PCDHGA8: variants seen among roughly 807,000 people sequenced by gnomAD.
PCDHGA8 encodes protocadherin gamma subfamily A, 8.
PCDHGA8 carries 45 observed loss-of-function variants against 59.2 expected under a neutral mutation model. That is an observed-to-expected ratio of 0.76 (90% CI 0.60 to 0.98). The LOEUF is 0.98. Ranked by LOEUF, PCDHGA8 falls within the 50% of genes least tolerant of loss-of-function variation. The pLI, the probability that PCDHGA8 is intolerant of heterozygous loss-of-function variation, is 0.00. For synonymous variants in PCDHGA8, 531 were observed against 519.0 expected, an observed-to-expected ratio of 1.02 and a Z score of -0.32; for missense variants, 1,257 against 1,196.2, an observed-to-expected ratio of 1.05 and a Z score of -0.75.
rs376890554 is a variant in PCDHGA8 at position 141,408,250 on chromosome 5, G to A, written c.2424+13013G>A. 3.6e-4 allele frequency: 569 copies of A among 1,595,986 alleles called. 5 individuals are homozygous for A. The highest frequency in any genetic ancestry group is 1.7e-3 in the South Asian group (151 of 89,354). On this transcript the variant is annotated intron_variant, in intron 1 of 3. Coordinates refer to ENST00000398604, the MANE Select transcript of PCDHGA8 (RefSeq NM_032088.2). ...GGCGCCGGGCCGGCCCGCGGCAGGT[G>A]CTATTTCCTTTGCTGCTGCCTTTGT... is the stretch of plus-strand genomic sequence containing the variant.
Position 141,487,544 on chromosome 5 carries a change from C to A in PCDHGA8, c.2425-7263C>A. 1 of 1,614,190 alleles carries A rather than the reference C, an allele frequency of 6.2e-7. No homozygotes were observed. The highest frequency in any genetic ancestry group is 1.1e-5 in the South Asian group (1 of 91,088). On this transcript the variant is annotated intron_variant, in intron 1 of 3. Transcript: ENST00000398604. This position sits in a 1 kb window ranked among gnomAD's most constrained non-coding sequence, Gnocchi z 5.0. ...TGATAGCTTCATGATGGTGAAGTCA[C>A]CCAGTGCACCTATGGCAGGGGAGCC... is the stretch of plus-strand genomic sequence containing the variant.
chr5:141,394,742 G>T lies in PCDHGA8; in HGVS notation c.1929G>T (p.Val643=). The T allele has an allele frequency of 1.2e-6, 2 of 1,613,420 alleles. No homozygotes were observed. The highest frequency in any genetic ancestry group is 1.7e-6 in the Non-Finnish European group (2 of 1,179,986). The change falls in exon 1 of 4, where the codon GTG becomes GTT. Residue 643 remains valine, a synonymous_variant. Coordinates refer to ENST00000398604, the MANE Select transcript of PCDHGA8 (RefSeq NM_032088.2). ...GAGATGCGCTCAAGCAGAGCCTCGT[G>T]GTGGCCGTCCAGGACCATGGCCAGC... The part of the protein sequence containing the change: ...LDRDALKQSL[V]VAVQDHGQPP...
intron 1 of PCDHGA8, among the ~76,000 whole-genome samples, chr5:141,443,016 G>T (rs1325670377): frequency 6.6e-6 from 1 of 152,204 alleles, no homozygotes; most frequent in East Asian, 1.9e-4. Context: ...TATGACTAAT[G>T]GAAGTTGCCA....
chr5:141,507,525 A>T (rs1053801558), intron 3 of PCDHGA8, among the ~76,000 whole-genome samples: 1 of 152,000 alleles, frequency 6.6e-6, no homozygotes, highest in Non-Finnish European at 1.5e-5. Context: ...ATGATTCCAG[A>T]GAGGCCAGAG....
Position 141,431,628 on chromosome 5 carries a change from A to T in PCDHGA8, c.2424+36391A>T, listed in dbSNP as rs1204083567. The T allele has an allele frequency of 6.2e-7, 1 of 1,614,138 alleles. No individual in the cohort carries two copies. Among genetic ancestry groups the T allele is most frequent in the Non-Finnish European group, 8.5e-7 (1 of 1,180,058 alleles). ...CGGTATGTGGACGACAAGGCGGCCC[A>T]AGTTTTCAAACTAGATTGTAATTCA... On this transcript the variant is annotated intron_variant, in intron 1 of 3. Coordinates refer to ENST00000398604, the MANE Select transcript of PCDHGA8 (RefSeq NM_032088.2). The surrounding 1 kb of genome is among the most constrained non-coding windows in gnomAD (Gnocchi z 4.8).
At chr5:141,488,738 ATGCAGGAAGT>A (rs771423337) in intron 1 of PCDHGA8, among the ~76,000 whole-genome samples, 1 of 152,222 alleles carries the variant, frequency 6.6e-6, no homozygotes, top group Non-Finnish European at 1.5e-5. Flanking sequence ...TTCTGAAGTC[ATGCAGGAAGT>A]TGCTGGGACA....
At position 141,432,554 on chromosome 5, in the gene PCDHGA8, G is replaced by A. The variant is rs757821109; in HGVS notation, c.2424+37317G>A. The A allele has an allele frequency of 9.3e-6, 15 of 1,613,832 alleles. No homozygotes were observed. Among genetic ancestry groups the A allele is most frequent in the Non-Finnish European group, 1.3e-5 (15 of 1,180,006 alleles). On this transcript the variant is annotated intron_variant, in intron 1 of 3. Coordinates refer to ENST00000398604, the MANE Select transcript of PCDHGA8 (RefSeq NM_032088.2). The surrounding 1 kb of genome is among the most constrained non-coding windows in gnomAD (Gnocchi z 6.0). ...GGTGGTGGCGGTGGACAGAGACTCCGGCCAGAACGCCTGGCTGTCCTACCG... is the reference window on the plus strand; with the variant it reads ...GGTGGTGGCGGTGGACAGAGACTCCAGCCAGAACGCCTGGCTGTCCTACCG...
intron 1 of PCDHGA8, chr5:141,478,531 C>A (rs771145308): frequency 8.1e-6 from 13 of 1,608,072 alleles, no homozygotes; most frequent in Admixed American, 5.1e-5. Context: ...GTGCAGAGAG[C>A]GCCCCTCCCG....
Position 141,485,208 on chromosome 5 carries a change from G to T in PCDHGA8, c.2425-9599G>T, listed in dbSNP as rs2099609377. On this transcript the variant is annotated intron_variant, in intron 1 of 3. Coordinates refer to ENST00000398604, the MANE Select transcript of PCDHGA8 (RefSeq NM_032088.2). This position sits in a 1 kb window ranked among gnomAD's most constrained non-coding sequence, Gnocchi z 5.7. ...AAGGTGAGAAGCTGGACAGAAATCT[G>T]GCGGTGGGCTACCCTTTTGTTCCTC... The T allele has an allele frequency of 6.2e-7, 1 of 1,613,998 alleles. No homozygotes were observed. The highest frequency in any genetic ancestry group is 1.3e-5 in the African/African-American group (1 of 74,930).
chr5:141,499,253 T>C (rs1189676230), intron 2 of PCDHGA8, among the ~76,000 whole-genome samples: 1 of 152,030 alleles, frequency 6.6e-6, no homozygotes, highest in Non-Finnish European at 1.5e-5. Context: ...ACAAAGAGTC[T>C]CCATTTGGTC....
At chr5:141,460,569 T>C (rs1234392082) in intron 1 of PCDHGA8, among the ~76,000 whole-genome samples, 2 of 152,100 alleles carry the variant, frequency 1.3e-5, no homozygotes, top group Admixed American at 1.3e-4. Context: ...GCCATGGACA[T>C]ATGTAGGTGT....
intron 3 of PCDHGA8, among the ~76,000 whole-genome samples, chr5:141,508,989 G>A (rs900798347): frequency 1.3e-5 from 2 of 152,110 alleles, no homozygotes; most frequent in Non-Finnish European, 2.9e-5. Flanking sequence ...GGGGCCAGCT[G>A]GGGTAGGAGA....
intron 1 of PCDHGA8, chr5:141,428,516 G>A (rs763205471): frequency 3.6e-6 from 1 of 281,256 alleles, no homozygotes; most frequent in Non-Finnish European, 7.0e-6. Context: ...TCTAGAAAAA[G>A]AAGATTTAAT....
At chr5:141,408,019 A>G (rs1589652051) in intron 1 of PCDHGA8, 1 of 1,031,592 alleles carries the variant, frequency 9.7e-7, no homozygotes, top group Admixed American at 3.2e-5. Context: ...GCAGCCAACA[A>G]CAGAAAGAAG....
rs530622003 is a variant in PCDHGA8, at chr5:141,437,077, T to G, written c.2424+41840T>G. ...TGATCATTATTTGGTTTGGGCCATA[T>G]AAGAATTGAAACTAACGGCTTAGCT... On this transcript the variant is annotated intron_variant, in intron 1 of 3. Transcript: ENST00000398604. Among the ~76,000 whole-genome samples, 107 of 152,372 alleles carry G rather than the reference T, an allele frequency of 7.0e-4. 1 individual carries two copies. The highest frequency in any genetic ancestry group is 6.4e-3 in the South Asian group (31 of 4,828).
chr5:141,468,464 TC>T (rs2099167734), intron 1 of PCDHGA8: 2 of 152,174 alleles, frequency 1.3e-5, no homozygotes, highest in Admixed American at 1.3e-4. Flanking sequence ...GCAAGTTATT[TC>T]TGAGGAGAAT....
rs751047365 is a variant in PCDHGA8 at position 141,419,570 on chromosome 5, G to C, written c.2424+24333G>C. On this transcript the variant is annotated intron_variant, in intron 1 of 3. Transcript: ENST00000398604. ...GCTGTACCCTGCGCTGGGTCCCGAC[G>C]GCTCCGCGCTCTTCGACACAGTGCC... 5.6e-6 allele frequency: 9 copies of C among 1,611,766 alleles called. No individual in the cohort carries two copies. The South Asian group carries it at 8.8e-5, about 16-fold the overall frequency.
Position 141,432,503 on chromosome 5 carries a change from G to A in PCDHGA8, c.2424+37266G>A, listed in dbSNP as rs939325676. On this transcript the variant is annotated intron_variant, in intron 1 of 3. Transcript: ENST00000398604. This position sits in a 1 kb window ranked among gnomAD's most constrained non-coding sequence, Gnocchi z 6.0. ...TGGCGTGGAGCTGGCTCCCCGCTCC[G>A]CAGAGCCCGGCTACCTGGTGACCAA... 5 of 1,613,988 alleles carry A rather than the reference G, an allele frequency of 3.1e-6. No individual in the cohort carries two copies. Among genetic ancestry groups the A allele is most frequent in the Non-Finnish European group, 2.5e-6 (3 of 1,180,038 alleles).
chr5:141,509,882 G>A (rs1374735632), intron 3 of PCDHGA8, among the ~76,000 whole-genome samples: 1 of 152,182 alleles, frequency 6.6e-6, no homozygotes. Context: ...GGTGGTGATG[G>A]TGACTGACTG....
Sources: allele counts gnomAD v4.1 joint callset (sites outside exome capture counted in the v4.1 genomes callset), GRCh38; gene constraint gnomAD v4.1.1; non-coding constraint Gnocchi (gnomAD v3.1); transcripts MANE v1.5; gene names NCBI Gene and HGNC (gene_info 2026-07-23, HGNC 2026-07-21).